The following CALD1 variants were observed in gnomAD, a reference collection of about 807,000 sequenced individuals.
The protein encoded by CALD1 is caldesmon.
Under a neutral mutation model 99.9 loss-of-function variants are expected in CALD1, and 33 were observed. That is an observed-to-expected ratio of 0.33 (90% confidence interval 0.25 to 0.44). The LOEUF (loss-of-function observed/expected upper bound fraction) is 0.44. CALD1 is among the 20% of genes least tolerant of loss of function. The pLI is 1.00. For synonymous variants in CALD1, 310 were observed against 325.0 expected (o/e 0.95, Z 0.50); for missense variants, 861 against 962.1 (o/e 0.89, Z 1.39).
intron 1 of CALD1, among the ~76,000 whole-genome samples, chr7:134,800,638 A>C (rs1797909220): frequency 6.6e-6 from 1 of 152,056 alleles, no homozygotes; most frequent in Non-Finnish European, 1.5e-5. Context: ...AATAGCATAT[A>C]GATAAATTTC....
chr7:134,794,180 G>T (rs1036384142), intron 1 of CALD1, among the ~76,000 whole-genome samples: 1 of 152,052 alleles, frequency 6.6e-6, no homozygotes, highest in Non-Finnish European at 1.5e-5. Flanking sequence ...TGAGTGGACT[G>T]TTCACCCCTT....
At chr7:134,903,738 A>G (rs1293647580) in intron 3 of CALD1, among the ~76,000 whole-genome samples, 1 of 152,052 alleles carries the variant, frequency 6.6e-6, no homozygotes, top group Non-Finnish European at 1.5e-5. Context: ...TTGGATTAGA[A>G]CCCACCCTGA....
chr7:134,920,586 C>T, intron 3 of CALD1: 1 of 1,288,410 alleles, frequency 7.8e-7, no homozygotes, highest in South Asian at 1.2e-5. Flanking sequence ...GATTGAGTAT[C>T]TCAGTTACCA....
the CALD1 span, among the ~76,000 whole-genome samples, chr7:134,712,827 C>T: frequency 1.3e-5 from 2 of 152,104 alleles, no homozygotes; most frequent in South Asian, 2.1e-4. Flanking sequence ...GGCGTGCCTT[C>T]GAGTGGGGTT....
chr7:134,794,777 G>C (rs1797684816), intron 1 of CALD1, among the ~76,000 whole-genome samples: 1 of 152,134 alleles, frequency 6.6e-6, no homozygotes, highest in Non-Finnish European at 1.5e-5. Context: ...TGCCCAGCCT[G>C]CTATAAGTCT....
chr7:134,719,497 T>C, the CALD1 span, among the ~76,000 whole-genome samples: 1 of 151,828 alleles, frequency 6.6e-6, no homozygotes, highest in Admixed American at 6.6e-5. Context: ...AAAGTACCAA[T>C]CAGGCAAAGG....
intron 3 of CALD1, among the ~76,000 whole-genome samples, chr7:134,893,745 C>T (rs1188148428): frequency 2.6e-5 from 4 of 152,140 alleles, no homozygotes; most frequent in African/African-American, 7.2e-5. Context: ...TAGCTTTGTA[C>T]CGTCAATCGA....
chr7:134,754,656 T>C (rs1185678663), intron 1 of CALD1, among the ~76,000 whole-genome samples: 7 of 152,216 alleles, frequency 4.6e-5, no homozygotes, highest in Admixed American at 4.6e-4. Context: ...TAATACCACA[T>C]ATATCATTAG....
At chr7:134,911,209 T>C (rs1375344061) in intron 3 of CALD1, among the ~76,000 whole-genome samples, 2 of 150,604 alleles carry the variant, frequency 1.3e-5, no homozygotes, top group Non-Finnish European at 3.0e-5. Flanking sequence ...TTTTTTTTTT[T>C]TTTTTTTTTG....
At chr7:134,915,298 C>G (rs796909336) in intron 3 of CALD1, among the ~76,000 whole-genome samples, 2 of 152,322 alleles carry the variant, frequency 1.3e-5, no homozygotes, top group African/African-American at 4.8e-5. Flanking sequence ...GTGGATCAGT[C>G]AGGGAGAGGA....
At chr7:134,855,608 C>T (rs1176550536) in intron 2 of CALD1, among the ~76,000 whole-genome samples, 1 of 152,224 alleles carries the variant, frequency 6.6e-6, no homozygotes, top group Non-Finnish European at 1.5e-5. Flanking sequence ...GGGTTGACTA[C>T]TTGTAATATA....
intron 1 of CALD1, among the ~76,000 whole-genome samples, chr7:134,825,165 A>C (rs1464406325): frequency 6.6e-6 from 1 of 152,116 alleles, no homozygotes; most frequent in Admixed American, 6.6e-5. Context: ...TAAGATTTAG[A>C]TAAAGTGGGG....
rs536589862 is a variant in CALD1 at position 134,906,453 on chromosome 7, A to G, written c.72-22301A>G. Among the ~76,000 whole-genome samples the G allele has an allele frequency of 3.5e-4, 53 of 152,260 alleles. No homozygotes were observed. In the South Asian group the frequency reaches 0.01, roughly 29 times the overall value. On this transcript the variant is annotated intron_variant, in intron 3 of 14. Coordinates refer to ENST00000361675, the MANE Select transcript of CALD1 (RefSeq NM_033138.4). ...AAAATAGAGCAATCATGTCTATTCA[A>G]TGTTGTTCTAAGGATGAGATGAGAT...
At chr7:134,891,456 A>G in intron 3 of CALD1, 1 of 1,339,938 alleles carries the variant, frequency 7.5e-7, no homozygotes, top group Non-Finnish European at 9.6e-7. Context: ...CGTCACAGGG[A>G]CAGACCAACG....
chr7:134,875,612 G>T (rs574751871), intron 3 of CALD1, among the ~76,000 whole-genome samples: 2 of 152,306 alleles, frequency 1.3e-5, no homozygotes, highest in African/African-American at 4.8e-5. Context: ...ACTCCAGCCT[G>T]GGCAACAAGA....
chr7:134,759,467 G>C (rs142504093), intron 1 of CALD1, among the ~76,000 whole-genome samples: 1 of 152,324 alleles, frequency 6.6e-6, no homozygotes, highest in African/African-American at 2.4e-5. Flanking sequence ...CGGAGGAACA[G>C]TGCTCAAGGC....
At chr7:134,888,543 A>G (rs987828633) in intron 3 of CALD1, among the ~76,000 whole-genome samples, 1 of 152,184 alleles carries the variant, frequency 6.6e-6, no homozygotes, top group Non-Finnish European at 1.5e-5. Flanking sequence ...TCTTGGAAGC[A>G]CTTGCCTAGC....
intron 3 of CALD1, among the ~76,000 whole-genome samples, chr7:134,911,895 G>A (rs1274075114): frequency 6.6e-6 from 1 of 152,178 alleles, no homozygotes; most frequent in African/African-American, 2.4e-5. Context: ...CAGCAATAGA[G>A]CAATATGTGA....
At chr7:134,911,050 T>C (rs1803769292) in intron 3 of CALD1, among the ~76,000 whole-genome samples, 1 of 152,178 alleles carries the variant, frequency 6.6e-6, no homozygotes, top group Non-Finnish European at 1.5e-5. Context: ...GTGCAAAGTG[T>C]TGGGGGTTCC....
Sources: allele counts gnomAD v4.1 joint callset (sites outside exome capture counted in the v4.1 genomes callset), GRCh38; gene constraint gnomAD v4.1.1; transcripts MANE v1.5; gene names NCBI Gene and HGNC (gene_info 2026-07-23, HGNC 2026-07-21).